PLCL2: variants seen among roughly 807,000 people sequenced by gnomAD.
PLCL2 encodes the protein phospholipase C like 2, also known as inactive phospholipase C-like protein 2.
In PLCL2, 4 loss-of-function variants were observed where a neutral mutation model predicts 79.6. The observed-to-expected ratio is 0.05, with a 90% confidence interval of 0.02 to 0.11. The LOEUF (loss-of-function observed/expected upper bound fraction) is 0.11, where lower values mean the gene tolerates loss of function less well. Among genes scored for constraint, PLCL2 ranks in the 10% least tolerant of loss-of-function variants. PLCL2 has a pLI of 1.00. For synonymous variants in PLCL2, 484 were observed against 457.7 expected (o/e 1.06, Z -0.73); for missense variants, 895 against 1,291.0 (o/e 0.69, Z 4.70).
chr3:17,025,771 G>A (rs535975847), intron 3 of PLCL2, among the ~76,000 whole-genome samples: 1 of 152,242 alleles, frequency 6.6e-6, no homozygotes, highest in African/African-American at 2.4e-5. Context: ...CACAGCTGAT[G>A]TATTTCTATA....
intron 3 of PLCL2, among the ~76,000 whole-genome samples, chr3:17,038,906 C>A: frequency 6.6e-6 from 1 of 152,146 alleles, no homozygotes; most frequent in East Asian, 1.9e-4. Context: ...GGCTTCAAGA[C>A]CAAACAGAAT....
intron 4 of PLCL2, among the ~76,000 whole-genome samples, chr3:17,049,239 A>G (rs2064814232): frequency 6.6e-6 from 1 of 152,230 alleles, no homozygotes; most frequent in Non-Finnish European, 1.5e-5. Flanking sequence ...ATCCAAAGCT[A>G]GAGAATTTAA....
intron 1 of PLCL2, among the ~76,000 whole-genome samples, chr3:17,005,818 T>C (rs2064255232): frequency 6.6e-6 from 1 of 152,156 alleles, no homozygotes; most frequent in African/African-American, 2.4e-5. Context: ...GTCCGGACAT[T>C]GTTTGTGTAT....
intron 1 of PLCL2, among the ~76,000 whole-genome samples, chr3:16,997,562 ACT>A (rs1167578954): frequency 7.4e-6 from 1 of 134,528 alleles, no homozygotes; most frequent in Non-Finnish European, 1.6e-5. Flanking sequence ...ATGGAGTCTC[ACT>A]CTGTTGTCCA....
intron 1 of PLCL2, among the ~76,000 whole-genome samples, chr3:16,978,114 C>A (rs564764091): frequency 1.3e-5 from 2 of 152,334 alleles, no homozygotes; most frequent in Admixed American, 1.3e-4. Context: ...AGTTAGGAAT[C>A]TGTTCAGCCA....
chr3:17,021,603 C>CAG (rs2064454416), intron 3 of PLCL2, among the ~76,000 whole-genome samples: 1 of 109,824 alleles, frequency 9.1e-6, no homozygotes, highest in Admixed American at 8.0e-5. Flanking sequence ...CTTACACACA[C>CAG]ACACACACAC....
chr3:16,983,351 T>C (rs2064019023), intron 1 of PLCL2, among the ~76,000 whole-genome samples: 1 of 152,204 alleles, frequency 6.6e-6, no homozygotes, highest in African/African-American at 2.4e-5. Context: ...ATATGGGATA[T>C]GAGCTTCAGT....
chr3:16,933,526 C>T (rs1697460536), intron 1 of PLCL2, among the ~76,000 whole-genome samples: 1 of 152,186 alleles, frequency 6.6e-6, no homozygotes, highest in Non-Finnish European at 1.5e-5. Context: ...CAGTGTCCTT[C>T]CAGAGAGATA....
At chr3:16,988,062 G>A (rs1368954882) in intron 1 of PLCL2, among the ~76,000 whole-genome samples, 1 of 152,128 alleles carries the variant, frequency 6.6e-6, no homozygotes, top group South Asian at 2.1e-4. Context: ...CCTGGGATCC[G>A]ATGGAAATTC....
chr3:17,012,184 T>C (rs2124890653), intron 2 of PLCL2, 24 bp downstream of exon 2: 1 of 1,578,588 alleles, frequency 6.3e-7, no homozygotes, highest in East Asian at 2.2e-5. Context: ...TTTAATCATT[T>C]ACTCAATGGT....
At position 16,994,937 on chromosome 3, in the gene PLCL2, G is replaced by T. The variant is rs575821571; in HGVS notation, c.328-14737G>T. Reference sequence around the variant, plus strand: ...GTGAGAAGGCCAGAGTATGGAAGAGGCAAGAGCTGAGATTGGAGAATCTGA... The same window carrying T: ...GTGAGAAGGCCAGAGTATGGAAGAGTCAAGAGCTGAGATTGGAGAATCTGA... On this transcript the variant is annotated intron_variant, in intron 1 of 5. Coordinates refer to ENST00000615277, the MANE Select transcript of PLCL2 (RefSeq NM_001144382.2). 7.2e-4 allele frequency among the ~76,000 whole-genome samples: 109 copies of T among 152,348 alleles called. 1 individual carries two copies. The highest frequency in any genetic ancestry group is 2.5e-3 in the African/African-American group (105 of 41,568).
At chr3:16,952,146 A>T (rs945690367) in intron 1 of PLCL2, among the ~76,000 whole-genome samples, 1 of 151,830 alleles carries the variant, frequency 6.6e-6, no homozygotes, top group Non-Finnish European at 1.5e-5. Flanking sequence ...ACATGGACAC[A>T]GGGAGGGGAA....
intron 1 of PLCL2, among the ~76,000 whole-genome samples, chr3:16,989,812 A>C (rs1286743341): frequency 6.6e-6 from 1 of 152,214 alleles, no homozygotes; most frequent in Non-Finnish European, 1.5e-5. Flanking sequence ...TTAGCCCTTT[A>C]ATTGGCCCAT....
intron 1 of PLCL2, among the ~76,000 whole-genome samples, chr3:16,920,241 C>A (rs1288519862): frequency 6.6e-6 from 1 of 152,032 alleles, no homozygotes; most frequent in Non-Finnish European, 1.5e-5. Flanking sequence ...TCTGGAACAG[C>A]CTCTTTAGAA....
intron 4 of PLCL2, among the ~76,000 whole-genome samples, chr3:17,046,887 G>A (rs1040033839): frequency 1.3e-5 from 2 of 152,192 alleles, no homozygotes; most frequent in African/African-American, 2.4e-5. Context: ...CAGGAACTGT[G>A]TAGAAGCTGG....
At position 17,003,822 on chromosome 3, in the gene PLCL2, G is replaced by A. The variant is rs181197084; in HGVS notation, c.328-5852G>A. 6.9e-4 allele frequency among the ~76,000 whole-genome samples: 105 copies of A among 152,228 alleles called. 1 individual carries two copies. The highest frequency in any genetic ancestry group is 1.8e-3 in the African/African-American group (76 of 41,540). ...CCCTGGGGCAATGGATCTTTGCCTG[G>A]TTCCAGAGGTGGATGGGTTCTGCTT... On this transcript the variant is annotated intron_variant, in intron 1 of 5. Coordinates refer to ENST00000615277, the MANE Select transcript of PLCL2 (RefSeq NM_001144382.2).
chr3:17,057,068 C>G (rs1213197240), intron 4 of PLCL2, among the ~76,000 whole-genome samples: 1 of 151,954 alleles, frequency 6.6e-6, no homozygotes, highest in African/African-American at 2.4e-5. Flanking sequence ...CAGGCTGGGC[C>G]CAATTATGGA....
At chr3:16,954,699 AC>A (rs1435430813) in intron 1 of PLCL2, among the ~76,000 whole-genome samples, 1 of 152,040 alleles carries the variant, frequency 6.6e-6, no homozygotes, top group African/African-American at 2.4e-5. Flanking sequence ...TTGTTTCCTG[AC>A]TTTTTAATGA....
At chr3:16,990,552 A>G (rs1321495590) in intron 1 of PLCL2, among the ~76,000 whole-genome samples, 1 of 152,212 alleles carries the variant, frequency 6.6e-6, no homozygotes, top group Non-Finnish European at 1.5e-5. Flanking sequence ...CTTGGAAGTT[A>G]ATTTCAGTGA....
Sources: allele counts gnomAD v4.1 joint callset (sites outside exome capture counted in the v4.1 genomes callset), GRCh38; gene constraint gnomAD v4.1.1; transcripts MANE v1.5; gene names NCBI Gene and HGNC (gene_info 2026-07-23, HGNC 2026-07-21).